ADAMTSL1: variants seen among roughly 807,000 people sequenced by gnomAD.
ADAMTSL1 encodes ADAMTS like 1.
A neutral mutation model predicts 201.8 loss-of-function variants in ADAMTSL1; 126 were observed. The observed-to-expected ratio is 0.62, with a 90% CI of 0.54 to 0.72. The LOEUF (loss-of-function observed/expected upper bound fraction) is 0.72, where lower values mean the gene tolerates loss of function less well. Among genes scored for constraint, ADAMTSL1 ranks in the 30% least tolerant of loss-of-function variants. The pLI is 0.00. For missense variants in ADAMTSL1, 2,679 were observed against 2,277.8 expected (o/e 1.18, Z -3.59); for synonymous variants, 1,121 against 903.4 (o/e 1.24, Z -4.32).
chr9:18,728,133 A>T (rs900707062), intron 15 of ADAMTSL1, among the ~76,000 whole-genome samples: 2 of 150,016 alleles, frequency 1.3e-5, no homozygotes, highest in Non-Finnish European at 3.0e-5. Context: ...AATAAATAAG[A>T]CAACTGCCTT....
At chr9:18,085,439 A>G (rs1452071335) in intron 1 of ADAMTSL1, among the ~76,000 whole-genome samples, 1 of 147,866 alleles carries the variant, frequency 6.8e-6, no homozygotes, top group East Asian at 2.0e-4. Flanking sequence ...ATTATATAGT[A>G]TATATTGTGT....
chr9:18,656,586 G>A (rs1322451071), intron 7 of ADAMTSL1, among the ~76,000 whole-genome samples: 5 of 137,780 alleles, frequency 3.6e-5, no homozygotes, highest in South Asian at 4.5e-4. Context: ...CCGGGATGGT[G>A]CCACTACACT....
chr9:17,943,783 T>C (rs373460896), intron 1 of ADAMTSL1, among the ~76,000 whole-genome samples: 4 of 151,994 alleles, frequency 2.6e-5, no homozygotes, highest in African/African-American at 9.7e-5. Context: ...GGGTAATTTA[T>C]AAAAAAAGAG....
intron 1 of ADAMTSL1, among the ~76,000 whole-genome samples, chr9:18,475,962 C>T (rs1587320175): frequency 1.3e-5 from 2 of 152,140 alleles, no homozygotes; most frequent in African/African-American, 4.8e-5. Flanking sequence ...TGTATTAGAG[C>T]ATATAATTTG....
chr9:17,968,539 G>A (rs1044445514), intron 1 of ADAMTSL1, among the ~76,000 whole-genome samples: 1 of 152,096 alleles, frequency 6.6e-6, no homozygotes, highest in African/African-American at 2.4e-5. Flanking sequence ...ATCTGGTAAA[G>A]CAGACACTGG....
intron 1 of ADAMTSL1, among the ~76,000 whole-genome samples, chr9:17,949,856 CTTTGA>C (rs1827660191): frequency 6.6e-6 from 1 of 152,092 alleles, no homozygotes; most frequent in Non-Finnish European, 1.5e-5. Context: ...TAGAACCACT[CTTTGA>C]TTTGACAGCA....
intron 4 of ADAMTSL1, among the ~76,000 whole-genome samples, chr9:18,603,321 A>T (rs1824781118): frequency 1.3e-5 from 2 of 151,940 alleles, no homozygotes; most frequent in South Asian, 4.2e-4. Flanking sequence ...TCAGATTTAG[A>T]TCCATCTGTC....
At chr9:18,377,920 C>A (rs187425975) in intron 2 of ADAMTSL1, among the ~76,000 whole-genome samples, 131 of 152,016 alleles carry the variant, frequency 8.6e-4, no homozygotes, top group Non-Finnish European at 1.4e-3. Flanking sequence ...ACATAGACTC[C>A]CTCCCCCTCA....
At chr9:18,476,225 G>A (rs989676084) in intron 1 of ADAMTSL1, among the ~76,000 whole-genome samples, 1 of 152,114 alleles carries the variant, frequency 6.6e-6, no homozygotes, top group Non-Finnish European at 1.5e-5. Flanking sequence ...TCTGAATGTG[G>A]CTAGTTGTTT....
rs557600269 is a variant in ADAMTSL1, at chr9:18,439,057, T to C, written c.208-65772T>C. Among the ~76,000 whole-genome samples, 16 of 152,136 alleles carry C rather than the reference T, an allele frequency of 1.1e-4. No homozygotes were observed. The East Asian group carries it at 2.9e-3, about 28-fold the overall frequency. ...GTATCCATATTGGTTTCCTGCAAAA[T>C]TCCTTTGGAGGCTTCCTGGACGTTG... is the stretch of plus-strand genomic sequence containing the variant. On this transcript the variant is annotated intron_variant, in intron 2 of 29. Transcript: ENST00000680146.
chr9:18,386,366 G>A (rs1837790543), intron 2 of ADAMTSL1, among the ~76,000 whole-genome samples: 1 of 152,086 alleles, frequency 6.6e-6, no homozygotes, highest in Non-Finnish European at 1.5e-5. Flanking sequence ...TTAGTGGTGA[G>A]GTAATTACTG....
At chr9:18,276,090 A>G (rs1394930708) in intron 2 of ADAMTSL1, among the ~76,000 whole-genome samples, 1 of 151,778 alleles carries the variant, frequency 6.6e-6, no homozygotes, top group East Asian at 1.9e-4. Context: ...TAGTTATCCC[A>G]GTGGTTGTGT....
chr9:18,645,649 C>T (rs1232864075), intron 7 of ADAMTSL1, among the ~76,000 whole-genome samples: 1 of 151,274 alleles, frequency 6.6e-6, no homozygotes, highest in Non-Finnish European at 1.5e-5. Flanking sequence ...ATAGGGAATC[C>T]TTTCCCCATT....
chr9:18,838,402 C>T (rs1816444), intron 23 of ADAMTSL1, among the ~76,000 whole-genome samples: 26 of 125,496 alleles, frequency 2.1e-4, no homozygotes, highest in Admixed American at 1.3e-3. Context: ...CACACACACA[C>T]GCAAAAACCT....
At chr9:17,943,955 G>C (rs948262890) in intron 1 of ADAMTSL1, among the ~76,000 whole-genome samples, 1 of 151,830 alleles carries the variant, frequency 6.6e-6, no homozygotes, top group East Asian at 1.9e-4. Context: ...GGAATAGGGA[G>C]AGAGGTGCCA....
At chr9:18,037,904 C>A (rs1022623137) in intron 1 of ADAMTSL1, among the ~76,000 whole-genome samples, 6 of 151,994 alleles carry the variant, frequency 3.9e-5, no homozygotes, top group African/African-American at 1.5e-4. Context: ...AAAACATCCC[C>A]AGCAGGCTTC....
intron 1 of ADAMTSL1, among the ~76,000 whole-genome samples, chr9:17,955,277 C>T (rs969370687): frequency 2.0e-4 from 31 of 152,126 alleles, no homozygotes; most frequent in African/African-American, 5.8e-4. Context: ...CTAAGTGGCT[C>T]ATCTCTTCTG....
rs1173768118 is a variant in ADAMTSL1 at position 18,509,133 on chromosome 9, G to A, written c.191+4177G>A. Reference sequence around the variant, plus strand: ...CGGGAGGCGGAGCTTGCAGTGAGCCGAGATTGCGCCACTGCAGTCCGCAGT... The same window carrying A: ...CGGGAGGCGGAGCTTGCAGTGAGCCAAGATTGCGCCACTGCAGTCCGCAGT... On this transcript the variant is annotated intron_variant, in intron 2 of 28. Transcript: ENST00000380548. Among the ~76,000 whole-genome samples, 3 of 83,998 alleles carry A rather than the reference G, an allele frequency of 3.6e-5. 1 individual carries two copies. The highest frequency in any genetic ancestry group is 4.7e-5 in the Non-Finnish European group (2 of 42,886). The allele number at this position is 83,998 out of a possible 152,430, so 55.1% of individuals were successfully genotyped here.
chr9:18,809,100 T>C (rs1180118712), intron 20 of ADAMTSL1, among the ~76,000 whole-genome samples: 2 of 152,136 alleles, frequency 1.3e-5, no homozygotes, highest in African/African-American at 4.8e-5. Context: ...AATTACATAA[T>C]GAAGTAGCAG....
Sources: gnomAD v4.1 joint callset for allele counts (sites outside exome capture counted in the v4.1 genomes callset) on GRCh38, gnomAD v4.1.1 for gene constraint, MANE v1.5 for transcripts, NCBI Gene and HGNC (gene_info 2026-07-23, HGNC 2026-07-21) for gene names.